Variants in SRCIN1 observed in about 807,000 individuals in gnomAD.
SRCIN1 encodes the protein P130Cas-associated protein.
A neutral mutation model predicts 116.2 loss-of-function variants in SRCIN1; 50 were observed. That is an observed-to-expected ratio of 0.43 (90% CI 0.34 to 0.54). The LOEUF (loss-of-function observed/expected upper bound fraction) is 0.54, where lower values mean the gene tolerates loss of function less well. Ranked by LOEUF, SRCIN1 falls within the 20% of genes least tolerant of loss-of-function variation. The pLI, the probability that SRCIN1 is intolerant of heterozygous loss-of-function variation, is 0.02. For synonymous variants in SRCIN1, 736 were observed against 750.0 expected (o/e 0.98, Z 0.30); for missense variants, 1,446 against 1,672.0 (o/e 0.86, Z 2.36).
At chr17:38,593,979 G>A (rs894609727) in intron 1 of SRCIN1, among the ~76,000 whole-genome samples, 8 of 152,212 alleles carry the variant, frequency 5.3e-5, no homozygotes, top group Non-Finnish European at 1.0e-4. Context: ...ACCTTTTTAC[G>A]GAGGCAGAAA....
chr17:38,551,165 C>T lies in SRCIN1; in HGVS notation c.2952G>A (p.Arg984=). The part of the protein sequence containing the change: ...KAAPRTEPSG[R]RGSDELTVPR... Reference sequence around the variant, plus strand: ...TACTACTCCCCATACCTGAGCCCCTCCTCCCACTGGGCTCCGTTCGGGGGG... The same window carrying T: ...TACTACTCCCCATACCTGAGCCCCTTCTCCCACTGGGCTCCGTTCGGGGGG... Residue 984 remains arginine (R), a synonymous_variant, in exon 15 of 19, where the codon AGG becomes AGA. Coordinates refer to ENST00000617146, the MANE Select transcript of SRCIN1 (RefSeq NM_025248.3). The T allele has an allele frequency of 6.5e-7, 1 of 1,548,718 alleles. No homozygotes were observed. The highest frequency in any genetic ancestry group is 1.2e-5 in the South Asian group (1 of 86,430).
In SRCIN1 at chr17:38,582,570, T is replaced by C. The variant is rs181598683; in HGVS notation, c.23-3779A>G. Among the ~76,000 whole-genome samples the C allele has an allele frequency of 2.5e-4, 38 of 152,218 alleles. 1 individual carries two copies. The highest frequency in any genetic ancestry group is 7.9e-4 in the African/African-American group (33 of 41,536). ...CGCTCAGCCCTCAGGTGCTCTGGCA[T>C]TGGGGCTATTGGGGTGAGGCGGGCA... On this transcript the variant is annotated intron_variant, in intron 1 of 18. Transcript: ENST00000617146.
chr17:38,593,210 G>A (rs749916730), intron 1 of SRCIN1, among the ~76,000 whole-genome samples: 1 of 152,150 alleles, frequency 6.6e-6, no homozygotes, highest in South Asian at 2.1e-4. Flanking sequence ...GTGATGAAGA[G>A]GAGCTGAGCC....
chr17:38,539,918 G>C lies in SRCIN1; in HGVS notation c.3417+3905C>G, dbSNP rs376597216. Among the ~76,000 whole-genome samples, 8 of 151,430 alleles carry C rather than the reference G, an allele frequency of 5.3e-5. No homozygotes were observed. The East Asian group carries it at 5.8e-4, about 11-fold the overall frequency. Reference sequence around the variant, plus strand: ...CACCTGTAATCCCAGCTACTCAGGAGGCTGAAGCAGGAGAATCGCTTGAAC... The same window carrying C: ...CACCTGTAATCCCAGCTACTCAGGACGCTGAAGCAGGAGAATCGCTTGAAC... On this transcript the variant is annotated intron_variant, in intron 18 of 18. Coordinates refer to ENST00000617146, the MANE Select transcript of SRCIN1 (RefSeq NM_025248.3).
intron 18 of SRCIN1, among the ~76,000 whole-genome samples, chr17:38,534,317 G>A (rs962168317): frequency 6.6e-6 from 1 of 152,150 alleles, no homozygotes; most frequent in Non-Finnish European, 1.5e-5. Flanking sequence ...AGATTCCTGG[G>A]CTCCCCTCCA....
chr17:38,539,818 C>T (rs552453958), intron 18 of SRCIN1, among the ~76,000 whole-genome samples: 1 of 151,946 alleles, frequency 6.6e-6, no homozygotes, highest in Non-Finnish European at 1.5e-5. Context: ...GTCAGGAGTT[C>T]AAGACCAGCC....
chr17:38,533,638 T>C (rs1157650987), intron 18 of SRCIN1, among the ~76,000 whole-genome samples: 1 of 146,134 alleles, frequency 6.8e-6, no homozygotes, highest in Non-Finnish European at 1.5e-5. Flanking sequence ...GGCACGAGGT[T>C]GGACAAAGGG....
Position 38,568,582 on chromosome 17 carries a change from A to C in SRCIN1, c.325-351T>G, listed in dbSNP as rs556323685. On this transcript the variant is annotated intron_variant, in intron 2 of 18. Coordinates refer to ENST00000617146, the MANE Select transcript of SRCIN1 (RefSeq NM_025248.3). This position sits in a 1 kb window ranked among gnomAD's most constrained non-coding sequence, Gnocchi z 4.5. ...TCAGAGAAATGGCAGGCCAGGGAAC[A>C]GTGCTTGGAAGAGGTGGCATTTGAG... 1.2e-4 allele frequency among the ~76,000 whole-genome samples: 19 copies of C among 152,318 alleles called. No individual in the cohort carries two copies. In the South Asian group the frequency reaches 3.5e-3, roughly 28 times the overall value.
At chr17:38,606,240 G>C (rs1452443229), upstream of SRCIN1, among the ~76,000 whole-genome samples, 3 of 151,896 alleles carry the variant, frequency 2.0e-5, no homozygotes, top group African/African-American at 7.2e-5. This position sits in a 1 kb window ranked among gnomAD's most constrained non-coding sequence, Gnocchi z 5.2. Context: ...ACCGAGGACC[G>C]GCTCGGAGGA....
Position 38,564,244 on chromosome 17 carries a change from C to T in SRCIN1, c.415G>A (p.Ala139Thr), listed in dbSNP as rs1381526456. The change falls in exon 4 of 19, where the codon GCC (alanine) becomes ACC (threonine). Residue 139 changes from alanine (A) to threonine (T), a missense_variant. Coordinates refer to ENST00000617146, the MANE Select transcript of SRCIN1 (RefSeq NM_025248.3). The part of the protein sequence containing the change: ...LADQAAKLSY[A>T]SAESLETMSE... ...ATGGTCTCCAGCGACTCGGCGGAGGCGTAGGACAGCTTTGCCGCCTGGTCT... is the reference window on the plus strand; with the variant it reads ...ATGGTCTCCAGCGACTCGGCGGAGGTGTAGGACAGCTTTGCCGCCTGGTCT... 6.3e-7 allele frequency: 1 copy of T among 1,576,976 alleles called. No individual in the cohort carries two copies. Among genetic ancestry groups the T allele is most frequent in the East Asian group, 2.3e-5 (1 of 42,968 alleles).
intron 15 of SRCIN1, 33 bp downstream of exon 15, chr17:38,551,122 T>C (rs1349125542): frequency 1.0e-6 from 1 of 960,598 alleles, no homozygotes; most frequent in Non-Finnish European, 1.5e-6. Flanking sequence ...TCCCCCACGC[T>C]GGGCTCCTTA....
chr17:38,594,390 C>T (rs920634268), intron 1 of SRCIN1, among the ~76,000 whole-genome samples: 7 of 152,190 alleles, frequency 4.6e-5, no homozygotes, highest in Admixed American at 1.3e-4. Flanking sequence ...GCGGCAGCCA[C>T]GGTGGCAAGG....
At position 38,552,003 on chromosome 17, in the gene SRCIN1, G is replaced by A; in HGVS notation, c.2610C>T (p.Asn870=). The A allele has an allele frequency of 1.2e-6, 2 of 1,614,004 alleles. No individual in the cohort carries two copies. The highest frequency in any genetic ancestry group is 1.7e-5 in the Admixed American group (1 of 60,034). The change falls in exon 14 of 19, where the codon AAC becomes AAT. Residue 870 remains asparagine, a synonymous_variant. Transcript: ENST00000617146. This position sits in a 1 kb window ranked among gnomAD's most constrained non-coding sequence, Gnocchi z 5.3. Reference sequence around the variant, plus strand: ...CAGCTGGCCCGCTCAGCTCATGCAGGTTCAGCGGGGGGCTGGGGGGTGGCA... The same window carrying A: ...CAGCTGGCCCGCTCAGCTCATGCAGATTCAGCGGGGGGCTGGGGGGTGGCA... The part of the protein sequence containing the change: ...FEMPPPSPPL[N]LHELSGPAEG...
At chr17:38,573,922 A>G (rs1907246387) in intron 2 of SRCIN1, among the ~76,000 whole-genome samples, 1 of 152,352 alleles carries the variant, frequency 6.6e-6, no homozygotes, top group South Asian at 2.1e-4. Flanking sequence ...AGTGATGACA[A>G]GCATGCCAAT....
At chr17:38,534,132 G>A (rs552328800) in intron 18 of SRCIN1, among the ~76,000 whole-genome samples, 1 of 152,184 alleles carries the variant, frequency 6.6e-6, no homozygotes, top group Non-Finnish European at 1.5e-5. Flanking sequence ...TCACTGGTCA[G>A]TTCTAGTGGT....
At chr17:38,537,789 T>TC (rs1904483654) in intron 18 of SRCIN1, among the ~76,000 whole-genome samples, 1 of 113,526 alleles carries the variant, frequency 8.8e-6, no homozygotes, top group African/African-American at 3.9e-5. Context: ...AGACTCCGTG[T>TC]CAAAAAAAAA....
chr17:38,592,488 AAACAG>A (rs1485275387), intron 1 of SRCIN1, among the ~76,000 whole-genome samples: 1 of 152,198 alleles, frequency 6.6e-6, no homozygotes, highest in Admixed American at 6.5e-5. Flanking sequence ...CCCCATGACC[AAACAG>A]AACAGGCAGA....
chr17:38,551,213 C>T lies in SRCIN1; in HGVS notation c.2904G>A (p.Lys968=), dbSNP rs1252980906. The change falls in exon 15 of 19, where the codon AAG becomes AAA. Residue 968 remains lysine, a synonymous_variant. Coordinates refer to ENST00000617146, the MANE Select transcript of SRCIN1 (RefSeq NM_025248.3). ...PAPTPDHKPP[K]APHGQKAAPR... is the part of the protein sequence containing the mutation. Reference sequence around the variant, plus strand: ...GGGCTGCCTTCTGGCCGTGGGGGGCCTTGGGGGGCTTGTGATCTGGAGTGG... The same window carrying T: ...GGGCTGCCTTCTGGCCGTGGGGGGCTTTGGGGGGCTTGTGATCTGGAGTGG... 9 of 1,604,866 alleles carry T rather than the reference C, an allele frequency of 5.6e-6. No individual in the cohort carries two copies. The highest frequency in any genetic ancestry group is 1.1e-5 in the South Asian group (1 of 90,790).
At chr17:38,543,325 G>C (rs1008447254) in intron 18 of SRCIN1, among the ~76,000 whole-genome samples, 1 of 152,248 alleles carries the variant, frequency 6.6e-6, no homozygotes, top group Non-Finnish European at 1.5e-5. Flanking sequence ...TAAGAGCTAA[G>C]AGGGAGACCA....
Sources: gnomAD v4.1 joint callset for allele counts (sites outside exome capture counted in the v4.1 genomes callset) on GRCh38, gnomAD v4.1.1 for gene constraint, Gnocchi (gnomAD v3.1) non-coding constraint, MANE v1.5 for transcripts, NCBI Gene and HGNC (gene_info 2026-07-23, HGNC 2026-07-21) for gene names.